Variants in TMEM242 observed in about 807,000 individuals in gnomAD.
The protein encoded by TMEM242 is transmembrane protein 242.
In TMEM242, 10 loss-of-function variants were observed where a neutral mutation model predicts 18.2. The ratio of observed to expected loss-of-function variants is 0.55; its 90% CI spans 0.34 to 0.93. TMEM242 has a LOEUF of 0.93. Ranked by LOEUF, TMEM242 falls within the 40% of genes least tolerant of loss-of-function variation. The pLI is 0.02. For synonymous variants in TMEM242, 57 were observed against 69.9 expected, an observed-to-expected ratio of 0.81 and a Z score of 0.92; for missense variants, 186 against 175.5, an observed-to-expected ratio of 1.06 and a Z score of -0.34.
chr6:157,292,995 T>C lies in TMEM242; in HGVS notation c.332A>G (p.Asn111Ser), dbSNP rs375488551. 307 of 1,611,618 alleles carry C rather than the reference T, an allele frequency of 1.9e-4. 1 individual carries two copies. The highest frequency in any genetic ancestry group is 6.6e-4 in the Middle Eastern group (4 of 6,022). Reference protein sequence around the residue: ...VWKALGVHSMNDFRSKMQSIF... With the variant: ...VWKALGVHSMSDFRSKMQSIF... ...TGATTGCATTTTACTTCGAAAGTCG[T>C]TCATCTAAAAGAAGAAAAATAATCA... The change falls in exon 4 of 4, where the codon AAC becomes AGC. Residue 111 changes from asparagine (N) to serine (S), a missense_variant. Asn to Ser is a conservative substitution (Grantham distance 46, BLOSUM62 1). Transcript: ENST00000400788.
chr6:157,308,455 A>C (rs1396744967), intron 3 of TMEM242, among the ~76,000 whole-genome samples: 1 of 152,248 alleles, frequency 6.6e-6, no homozygotes, highest in Non-Finnish European at 1.5e-5. Flanking sequence ...AGTACATCCA[A>C]TACTGTCCTA....
chr6:157,313,348 G>A (rs868960564), intron 3 of TMEM242, among the ~76,000 whole-genome samples: 3 of 10,922 alleles, frequency 2.7e-4, no homozygotes, highest in African/African-American at 2.7e-4. Context: ...GTGCCCCAGT[G>A]TGCGCTCACC....
At chr6:157,312,879 C>T (rs797033407) in intron 3 of TMEM242, among the ~76,000 whole-genome samples, 2,161 of 25,600 alleles carry the variant, frequency 0.084, 3 homozygotes, top group Admixed American at 0.12. Flanking sequence ...AGTGTGCACT[C>T]ACCTAGCCTC....
In TMEM242 at chr6:157,290,600, T is replaced by C. The variant is rs1367720958; in HGVS notation, c.*2301A>G. On this transcript the variant is annotated 3_prime_UTR_variant, in exon 4 of 4. Coordinates refer to ENST00000400788, the MANE Select transcript of TMEM242 (RefSeq NM_018452.6). ...ATCTGTTCAACATTTTTCCTTTCCATTAACCAATTTAACAATATGCCTCTG... is the reference window on the plus strand; with the variant it reads ...ATCTGTTCAACATTTTTCCTTTCCACTAACCAATTTAACAATATGCCTCTG... 6.6e-6 allele frequency: 1 copy of C among 152,214 alleles called. No homozygotes were observed. Among genetic ancestry groups the C allele is most frequent in the African/African-American group, 2.4e-5 (1 of 41,452 alleles). The allele number at this position is 152,214 out of a possible 1,614,324, so 9.4% of individuals were successfully genotyped here. A position where few individuals can be genotyped will look rare whatever the true frequency, so the allele number is the denominator to read the frequency against.
At chr6:157,317,126 A>G (rs1224688759) in intron 3 of TMEM242, among the ~76,000 whole-genome samples, 2 of 152,206 alleles carry the variant, frequency 1.3e-5, no homozygotes, top group African/African-American at 4.8e-5. Flanking sequence ...AATGTAAAAT[A>G]TAACAAGTAA....
chr6:157,297,888 C>G (rs1554247257), intron 3 of TMEM242, among the ~76,000 whole-genome samples: 1 of 152,214 alleles, frequency 6.6e-6, no homozygotes, highest in Admixed American at 6.5e-5. Flanking sequence ...AGCTACTAAT[C>G]CTATTATTTA....
intron 3 of TMEM242, among the ~76,000 whole-genome samples, chr6:157,313,091 C>T (rs71191617): frequency 3.5e-5 from 5 of 144,044 alleles, no homozygotes; most frequent in Non-Finnish European, 6.0e-5. Context: ...CTCACCTGGC[C>T]TCATCAAAGT....
At chr6:157,321,271 G>A (rs973550749) in intron 2 of TMEM242, among the ~76,000 whole-genome samples, 1 of 152,002 alleles carries the variant, frequency 6.6e-6, no homozygotes, top group Non-Finnish European at 1.5e-5. Context: ...GCCTCCCTAA[G>A]TGCTGGGATT....
At chr6:157,319,416 G>A (rs1249375309) in intron 2 of TMEM242, among the ~76,000 whole-genome samples, 1 of 152,166 alleles carries the variant, frequency 6.6e-6, no homozygotes, top group Admixed American at 6.5e-5. Context: ...TGAGACTGAT[G>A]TATAAATGCA....
chr6:157,291,234 A>C lies in TMEM242; in HGVS notation c.*1667T>G, dbSNP rs1554246816. On this transcript the variant is annotated 3_prime_UTR_variant, in exon 4 of 4. Coordinates refer to ENST00000400788, the MANE Select transcript of TMEM242 (RefSeq NM_018452.6). Reference sequence around the variant, plus strand: ...TGGAGGCCTTTAGAAACCACTAGGCATTCTCCATCTATGAAAAATAAAACC... The same window carrying C: ...TGGAGGCCTTTAGAAACCACTAGGCCTTCTCCATCTATGAAAAATAAAACC... 6.6e-6 allele frequency: 1 copy of C among 152,266 alleles called. No individual in the cohort carries two copies. Among genetic ancestry groups the C allele is most frequent in the Admixed American group, 6.5e-5 (1 of 15,288 alleles). 9.4% of individuals were successfully genotyped at this position (152,266 alleles called of 1,614,324 possible).
chr6:157,309,298 G>T lies in TMEM242; in HGVS notation c.327+9484C>A, dbSNP rs138382900. Among the ~76,000 whole-genome samples, 1,340 of 151,858 alleles carry T rather than the reference G, an allele frequency of 8.8e-3. 23 individuals are homozygous for T. The highest frequency in any genetic ancestry group is 0.03 in the African/African-American group (1,248 of 41,396). On this transcript the variant is annotated intron_variant, in intron 3 of 3. Coordinates refer to ENST00000400788, the MANE Select transcript of TMEM242 (RefSeq NM_018452.6). ...TTCAACATTGATTTTTTTTTTAAAC[G>T]AGTACATATTTTTATAAAAAATACC...
chr6:157,296,196 A>G (rs1554247171), intron 3 of TMEM242, among the ~76,000 whole-genome samples: 1 of 152,218 alleles, frequency 6.6e-6, no homozygotes, highest in Non-Finnish European at 1.5e-5. Context: ...CCTGTACCCC[A>G]AAAGTCTGGT....
At chr6:157,322,678 C>T (rs1778514624) in intron 2 of TMEM242, 27 bp downstream of exon 2, 2 of 1,583,112 alleles carry the variant, frequency 1.3e-6, no homozygotes, top group African/African-American at 1.4e-5. Flanking sequence ...AATAACAATG[C>T]TATGAATGGA....
At chr6:157,311,317 T>C (rs369609949) in intron 3 of TMEM242, among the ~76,000 whole-genome samples, 1,209 of 13,766 alleles carry the variant, frequency 0.088, 20 homozygotes, top group African/African-American at 0.2. Context: ...TCCCAGTGTG[T>C]GTTCACCTAG....
intron 3 of TMEM242, among the ~76,000 whole-genome samples, chr6:157,315,735 T>C (rs1469026684): frequency 1.3e-5 from 2 of 152,240 alleles, no homozygotes; most frequent in African/African-American, 4.8e-5. Context: ...GCAATCCTTG[T>C]ATCAATGCCA....
intron 3 of TMEM242, among the ~76,000 whole-genome samples, chr6:157,315,453 T>C (rs981682424): frequency 3.9e-5 from 6 of 152,190 alleles, no homozygotes; most frequent in African/African-American, 1.4e-4. Context: ...TTCTCAAACA[T>C]GGAGATCAAA....
chr6:157,322,000 G>A (rs924629169), intron 2 of TMEM242, among the ~76,000 whole-genome samples: 3 of 152,172 alleles, frequency 2.0e-5, no homozygotes, highest in Non-Finnish European at 2.9e-5. Context: ...TTATGGTATC[G>A]ATAAGGCTTA....
At chr6:157,311,374 GT>G (rs1562382975) in intron 3 of TMEM242, among the ~76,000 whole-genome samples, 8,262 of 102,802 alleles carry the variant, frequency 0.08, 86 homozygotes, top group South Asian at 0.098. Flanking sequence ...TCATCATAGT[GT>G]TCCAGTGTGC....
intron 3 of TMEM242, 66 bp from the exon 4 acceptor site, chr6:157,293,065 GC>G: frequency 8.1e-7 from 1 of 1,230,250 alleles, no homozygotes. Flanking sequence ...ATTAGAGATG[GC>G]ACCTTTGCTG....
Sources: gnomAD v4.1 joint callset for allele counts (sites outside exome capture counted in the v4.1 genomes callset) on GRCh38, gnomAD v4.1.1 for gene constraint, MANE v1.5 for transcripts, NCBI Gene and HGNC (gene_info 2026-07-23, HGNC 2026-07-21) for gene names.